Variants in SOX30 observed in about 807,000 individuals in gnomAD.
SOX30 encodes the protein transcription factor SOX-30.
In SOX30, 17 loss-of-function variants were observed where a neutral mutation model predicts 58.6. That is an observed-to-expected ratio of 0.29 (90% CI 0.20 to 0.44). The LOEUF is 0.44. SOX30 is among the 20% of genes least tolerant of loss of function. SOX30 has a pLI of 1.00. For synonymous variants in SOX30, 421 were observed against 400.2 expected (o/e 1.05, Z -0.62); for missense variants, 951 against 965.8 (o/e 0.98, Z 0.20).
At chr5:157,658,839 C>A (rs1213626485) in intron 2 of SOX30, among the ~76,000 whole-genome samples, 2 of 152,156 alleles carry the variant, frequency 1.3e-5, no homozygotes, top group African/African-American at 2.4e-5. Flanking sequence ...CATTCCCAGA[C>A]AGTTAAGGCA....
intron 2 of SOX30, among the ~76,000 whole-genome samples, chr5:157,662,697 T>G (rs1482459450): frequency 6.6e-6 from 1 of 152,142 alleles, no homozygotes; most frequent in Non-Finnish European, 1.5e-5. Context: ...TGAAAGGAAG[T>G]AGGGGTTGGA....
rs149440671 is a variant in SOX30 at position 157,668,440 on chromosome 5, T to C, written c.-3-588A>G. Among the ~76,000 whole-genome samples, 364 of 152,216 alleles carry C rather than the reference T, an allele frequency of 2.4e-3. 3 individuals carry two copies. Among genetic ancestry groups the C allele is most frequent in the African/African-American group, 8.5e-3 (352 of 41,550 alleles). ...GGAGGTAGGTAGCTGCTGAAGTTGCTGCTAAGAGTGATCCCAAAGTTCTGA... is the reference window on the plus strand; with the variant it reads ...GGAGGTAGGTAGCTGCTGAAGTTGCCGCTAAGAGTGATCCCAAAGTTCTGA... On this transcript the variant is annotated intron_variant, in intron 1 of 5. Transcript: ENST00000519442.
At position 157,626,700 on chromosome 5, in the gene SOX30, A is replaced by G. The variant is rs755059974; in HGVS notation, c.1902T>C (p.Pro634=). 2 of 1,609,916 alleles carry G rather than the reference A, an allele frequency of 1.2e-6. No individual in the cohort carries two copies. Among genetic ancestry groups the G allele is most frequent in the African/African-American group, 2.7e-5 (2 of 74,702 alleles). Residue 634 remains proline, a synonymous_variant, in exon 5 of 5, where the codon CCT becomes CCC. Transcript: ENST00000265007. ...TCGGAAAATTTCCATAGCCAAAGGG[A>G]GGCCGACTGTAAGGGCATGTACTGC... ...FPSSTCPYSR[P]PFGYGNFPSS...
chr5:157,648,799 T>A lies in SOX30; in HGVS notation c.1065A>T (p.Leu355=), dbSNP rs1304599300. Residue 355 remains leucine, a synonymous_variant, in exon 2 of 5, where the codon CTA becomes CTT. Coordinates refer to ENST00000265007, the MANE Select transcript of SOX30 (RefSeq NM_178424.2). ...MVWARIHRPA[L]AKANPAANNA... ...TGTTGGCTGCTGGGTTAGCTTTGGC[T>A]AGTGCTGGTCGGTGGATCCTTGCCC... 2 of 1,613,192 alleles carry A rather than the reference T, an allele frequency of 1.2e-6. No individual in the cohort carries two copies.
Position 157,632,932 on chromosome 5 carries a change from T to C in SOX30, c.1880+5298A>G, listed in dbSNP as rs546893404. Reference sequence around the variant, plus strand: ...GGCAAAACTCAGTCTCCACTAAAAATACAAAAATTAGCCAGGCATGGTAGC... The same window carrying C: ...GGCAAAACTCAGTCTCCACTAAAAACACAAAAATTAGCCAGGCATGGTAGC... On this transcript the variant is annotated intron_variant, in intron 4 of 4. Coordinates refer to ENST00000265007, the MANE Select transcript of SOX30 (RefSeq NM_178424.2). Among the ~76,000 whole-genome samples the C allele has an allele frequency of 5.9e-5, 9 of 151,670 alleles. No individual in the cohort carries two copies. In the South Asian group the frequency reaches 1.7e-3, roughly 28 times the overall value.
chr5:157,667,759 TACATACACACAC>T (rs1298327165), intron 2 of SOX30: 5 of 1,392,500 alleles, frequency 3.6e-6, no homozygotes, highest in Non-Finnish European at 4.6e-6. Flanking sequence ...CATACATACA[TACATACACACAC>T]ACACACACAC....
chr5:157,631,057 A>ATACAATATATACAATATATATATTT (rs1561578515), intron 4 of SOX30, among the ~76,000 whole-genome samples: 1 of 48,560 alleles, frequency 2.1e-5, no homozygotes, highest in African/African-American at 6.7e-5. Flanking sequence ...TTATATATAT[A>ATACAATATATACAATATATATATTT]TATATATATA....
chr5:157,637,076 T>A (rs1469615928), intron 4 of SOX30, among the ~76,000 whole-genome samples: 1 of 137,390 alleles, frequency 7.3e-6, no homozygotes, highest in East Asian at 2.1e-4. Flanking sequence ...GAGGCTGTGG[T>A]GAGCCAAGAT....
intron 2 of SOX30, chr5:157,667,732 C>T (rs553994053): frequency 6.6e-6 from 10 of 1,515,302 alleles, no homozygotes; most frequent in African/African-American, 4.2e-5. Context: ...GAGCGAGACT[C>T]CATCTCAGAA....
At chr5:157,661,887 C>CT (rs1759584152) in intron 2 of SOX30, among the ~76,000 whole-genome samples, 1 of 99,640 alleles carries the variant, frequency 1.0e-5, no homozygotes, top group African/African-American at 8.8e-5. Context: ...TGTAAAGTGT[C>CT]CCCTTCTATT....
At chr5:157,643,766 G>C (rs932180802) in intron 3 of SOX30, among the ~76,000 whole-genome samples, 1 of 151,916 alleles carries the variant, frequency 6.6e-6, no homozygotes, top group African/African-American at 2.4e-5. Context: ...CAAAATTACC[G>C]TAACTTCATA....
At chr5:157,635,577 T>C (rs1248528410) in intron 4 of SOX30, among the ~76,000 whole-genome samples, 2 of 152,076 alleles carry the variant, frequency 1.3e-5, no homozygotes, top group South Asian at 2.1e-4. Context: ...TGAGCCAAGA[T>C]TGCGCCACTG....
intron 1 of SOX30, among the ~76,000 whole-genome samples, chr5:157,670,566 C>T (rs1759760051): frequency 6.6e-6 from 1 of 152,046 alleles, no homozygotes; most frequent in African/African-American, 2.4e-5. Context: ...TATTCCAGGT[C>T]GGAGGCTAGG....
chr5:157,655,977 A>G (rs1161353218), upstream of SOX30, among the ~76,000 whole-genome samples: 1 of 152,240 alleles, frequency 6.6e-6, no homozygotes, highest in Non-Finnish European at 1.5e-5. Context: ...CTGGTCAGTT[A>G]AAAACTTTGC....
intron 3 of SOX30, among the ~76,000 whole-genome samples, chr5:157,645,930 G>C (rs927041466): frequency 2.0e-5 from 3 of 151,180 alleles, no homozygotes; most frequent in African/African-American, 7.3e-5. Flanking sequence ...TGAGGCAGCA[G>C]AATTGCTTGA....
In SOX30 at chr5:157,665,101, T is replaced by C. The variant is rs139086111; in HGVS notation, c.52+2697A>G. Among the ~76,000 whole-genome samples the C allele has an allele frequency of 3.9e-3, 596 of 152,350 alleles. 4 individuals carry two copies. Among genetic ancestry groups the C allele is most frequent in the African/African-American group, 0.013 (558 of 41,580 alleles). ...GACCCAACCATCCCATTACTGGGTATATACCCAAAGGATTATAAATCATGC... is the reference window on the plus strand; with the variant it reads ...GACCCAACCATCCCATTACTGGGTACATACCCAAAGGATTATAAATCATGC... On this transcript the variant is annotated intron_variant, in intron 2 of 5. Coordinates refer to the SOX30 transcript ENST00000519442.
At position 157,646,772 on chromosome 5, in the gene SOX30, G is replaced by C; in HGVS notation, c.1252C>G (p.Leu418Val). 1 of 1,614,094 alleles carries C rather than the reference G, an allele frequency of 6.2e-7. No individual in the cohort carries two copies. Among genetic ancestry groups the C allele is most frequent in the Non-Finnish European group, 8.5e-7 (1 of 1,179,990 alleles). ...CCAGAAAATACATTGGAAACACTTA[G>C]AGGGAATCGTTTTCGCTTCCCTGGA... ...PRPGKRKRFP[L>V]SVSNVFSGTT... The change falls in exon 3 of 5, where the codon CTA (leucine) becomes GTA (valine). Residue 418 changes from leucine to valine, a missense_variant. Physicochemically the swap from Leu to Val is conservative, Grantham distance 32 (BLOSUM62 1). Around this residue, in one of 7 missense-constraint regions of SOX30, gnomAD observed 57 missense variants for 104.0 expected, o/e 0.55. Coordinates refer to ENST00000265007, the MANE Select transcript of SOX30 (RefSeq NM_178424.2).
intron 3 of SOX30, among the ~76,000 whole-genome samples, chr5:157,643,730 GA>G (rs1759124158): frequency 6.6e-6 from 1 of 152,026 alleles, no homozygotes; most frequent in African/African-American, 2.4e-5. Context: ...TTCTTCCATG[GA>G]AATACAGCAA....
Position 157,634,008 on chromosome 5 carries a change from T to C in SOX30, c.1880+4222A>G, listed in dbSNP as rs1447063583. 2.0e-5 allele frequency among the ~76,000 whole-genome samples: 3 copies of C among 152,116 alleles called. 1 individual carries two copies. ...AAAGAACTAGTCTGAAGAATTAATG[T>C]AGTACACAGAAAGAGAGCATTTTGA... is the stretch of plus-strand genomic sequence containing the variant. On this transcript the variant is annotated intron_variant, in intron 4 of 4. Coordinates refer to ENST00000265007, the MANE Select transcript of SOX30 (RefSeq NM_178424.2).
Sources: gnomAD v4.1 joint callset for allele counts (sites outside exome capture counted in the v4.1 genomes callset) on GRCh38, gnomAD v4.1.1 for gene constraint, gnomAD v4.1.1 regional missense constraint, MANE v1.5 for transcripts, NCBI Gene and HGNC (gene_info 2026-07-23, HGNC 2026-07-21) for gene names.